The following AOX1 variants were observed in gnomAD, a reference collection of about 807,000 sequenced individuals.
The protein encoded by AOX1 is aldehyde oxidase 1, also known as aldehyde oxidase.
Under a neutral mutation model 169.5 loss-of-function variants are expected in AOX1, and 153 were observed. That is an observed-to-expected ratio of 0.90 (90% CI 0.79 to 1.03). The LOEUF is 1.03. Ranked by LOEUF, AOX1 falls within the 50% of genes least tolerant of loss-of-function variation. The pLI is 0.00. For missense variants in AOX1, 1,656 were observed against 1,663.9 expected (o/e 1.00, Z 0.08); for synonymous variants, 562 against 581.9 (o/e 0.97, Z 0.49).
intron 33 of AOX1, among the ~76,000 whole-genome samples, chr2:200,669,064 A>C (rs2035977308): frequency 6.6e-6 from 1 of 152,214 alleles, no homozygotes. Context: ...CCTAATAATC[A>C]TCTTCTGTAT....
chr2:200,678,069 T>C (rs929365628), downstream of AOX1, among the ~76,000 whole-genome samples: 2 of 152,190 alleles, frequency 1.3e-5, no homozygotes, highest in African/African-American at 4.8e-5. Context: ...TCCCAAAGTT[T>C]GGTTTTTTTC....
chr2:200,608,802 C>A (rs141046312), intron 10 of AOX1, among the ~76,000 whole-genome samples, 182 bp from the exon 11 acceptor site: 63 of 152,242 alleles, frequency 4.1e-4, no homozygotes, highest in Admixed American at 5.9e-4. Flanking sequence ...GCCTCACCAC[C>A]ACTTTCATTA....
chr2:200,657,126 C>T (rs1325381310), intron 27 of AOX1, among the ~76,000 whole-genome samples, 189 bp downstream of exon 27: 1 of 138,974 alleles, frequency 7.2e-6, no homozygotes, highest in East Asian at 2.2e-4. Flanking sequence ...GAGTTCGAGA[C>T]CAGCCCAGGG....
intron 31 of AOX1, among the ~76,000 whole-genome samples, chr2:200,665,673 C>T (rs1437523382): frequency 6.6e-6 from 1 of 152,216 alleles, no homozygotes. Context: ...CTCAAGTGAT[C>T]TGCCCCCCTC....
intron 7 of AOX1, among the ~76,000 whole-genome samples, chr2:200,603,705 A>G (rs1257467222): frequency 6.6e-6 from 1 of 152,226 alleles, no homozygotes; most frequent in East Asian, 1.9e-4. Flanking sequence ...AAGTAGAGAC[A>G]GGAGAGGTTC....
chr2:200,592,979 T>G (rs2034206373), intron 1 of AOX1, among the ~76,000 whole-genome samples, 167 bp from the exon 2 acceptor site: 1 of 152,138 alleles, frequency 6.6e-6, no homozygotes. Context: ...AGATTACACA[T>G]AAGAGTGGTG....
chr2:200,609,237 T>A, intron 11 of AOX1, 84 bp from the exon 12 acceptor site: 4 of 1,588,894 alleles, frequency 2.5e-6, no homozygotes, highest in Non-Finnish European at 3.4e-6. Context: ...AAAAAAATAG[T>A]TCTCCAAAGC....
rs10204846 is a variant in AOX1 at position 200,596,659 on chromosome 2, G to T, written c.201-738G>T. Among the ~76,000 whole-genome samples, 1,477 of 152,280 alleles carry T rather than the reference G, an allele frequency of 9.7e-3. 31 individuals carry two copies. The highest frequency in any genetic ancestry group is 0.033 in the African/African-American group (1,372 of 41,542). On this transcript the variant is annotated intron_variant, in intron 3 of 34. Coordinates refer to ENST00000374700, the MANE Select transcript of AOX1 (RefSeq NM_001159.4). ...TTCTCCTTATTCCTGTTTAAGGCAGGTTCCTTTTCCTCCTTCAATTTCAGG... is the reference window on the plus strand; with the variant it reads ...TTCTCCTTATTCCTGTTTAAGGCAGTTTCCTTTTCCTCCTTCAATTTCAGG...
At chr2:200,663,596 T>TCCCCC (rs1553579858) in intron 31 of AOX1, among the ~76,000 whole-genome samples, 1 of 147,928 alleles carries the variant, frequency 6.8e-6, no homozygotes, top group Non-Finnish European at 1.5e-5. Flanking sequence ...TCTCTCTCTC[T>TCCCCC]CCCCCTCTTT....
intron 9 of AOX1, 44 bp downstream of exon 9, chr2:200,604,884 A>AT: frequency 1.2e-6 from 1 of 852,752 alleles, no homozygotes; most frequent in Non-Finnish European, 1.8e-6. Flanking sequence ...ATTGAGAAAA[A>AT]GGGCTTGGGA....
downstream of AOX1, among the ~76,000 whole-genome samples, chr2:200,680,579 T>C (rs1341865787): frequency 7.2e-6 from 1 of 139,056 alleles, no homozygotes; most frequent in Non-Finnish European, 1.6e-5. Flanking sequence ...AGAATCTTGC[T>C]CTGTTGCCCA....
chr2:200,605,898 G>C (rs2034505518), intron 10 of AOX1, among the ~76,000 whole-genome samples: 1 of 152,140 alleles, frequency 6.6e-6, no homozygotes, highest in African/African-American at 2.4e-5. Flanking sequence ...CTTTGTCAGT[G>C]GGTAGATTGC....
At chr2:200,643,558 C>G (rs955402194) in intron 25 of AOX1, among the ~76,000 whole-genome samples, 8 of 152,092 alleles carry the variant, frequency 5.3e-5, no homozygotes, top group Non-Finnish European at 1.0e-4. Flanking sequence ...ACTTGTTTTC[C>G]TCTGGGTAGA....
chr2:200,588,020 G>A (rs910489904), intron 1 of AOX1, among the ~76,000 whole-genome samples: 2 of 152,176 alleles, frequency 1.3e-5, no homozygotes, highest in Non-Finnish European at 2.9e-5. Context: ...AGCTTACATT[G>A]TGCTGGGGAG....
At position 200,623,973 on chromosome 2, in the gene AOX1, T is replaced by C; in HGVS notation, c.2114T>C (p.Leu705Pro). The change falls in exon 19 of 35, where the codon CTA becomes CCA. Residue 705 changes from leucine to proline, a missense_variant. Coordinates refer to ENST00000374700, the MANE Select transcript of AOX1 (RefSeq NM_001159.4). ...IVYQDLEPLI[L>P]TIEESIQHNS... is the part of the protein sequence containing the mutation. ...TATCAAGACTTGGAGCCGCTGATACTAACAATTGAGGTAATGAGTTCTGTG... is the reference window on the plus strand; with the variant it reads ...TATCAAGACTTGGAGCCGCTGATACCAACAATTGAGGTAATGAGTTCTGTG... The C allele has an allele frequency of 1.2e-6, 2 of 1,614,118 alleles. No homozygotes were observed. Among genetic ancestry groups the C allele is most frequent in the East Asian group, 4.5e-5 (2 of 44,882 alleles).
At chr2:200,661,076 C>T (rs1034438588) in intron 29 of AOX1, among the ~76,000 whole-genome samples, 1 of 152,168 alleles carries the variant, frequency 6.6e-6, no homozygotes, top group Non-Finnish European at 1.5e-5. Context: ...TAGTAGTCAG[C>T]TCTGTGTACT....
chr2:200,681,679 G>A (rs1170786085), downstream of AOX1, among the ~76,000 whole-genome samples: 1 of 152,226 alleles, frequency 6.6e-6, no homozygotes, highest in Non-Finnish European at 1.5e-5. Context: ...AAGGGAAACT[G>A]AGGCAGTGAG....
In AOX1 at chr2:200,613,873, G is replaced by A. The variant is rs748850939; in HGVS notation, c.1518G>A (p.Ser506=). 8.1e-6 allele frequency: 13 copies of A among 1,612,670 alleles called. No homozygotes were observed. The highest frequency in any genetic ancestry group is 3.3e-5 in the South Asian group (3 of 91,014). Residue 506 remains serine (S), a synonymous_variant, in exon 15 of 35, where the codon TCG becomes TCA. Coordinates refer to ENST00000374700, the MANE Select transcript of AOX1 (RefSeq NM_001159.4). ...LILNEVSLLG[S]APGGKVEFKR... ...TGAATGAAGTCTCCCTTTTGGGCTCGGCGCCAGGTGGGAAAGTGGAGTTCA... is the reference window on the plus strand; with the variant it reads ...TGAATGAAGTCTCCCTTTTGGGCTCAGCGCCAGGTGGGAAAGTGGAGTTCA...
Position 200,601,173 on chromosome 2 carries a change from C to G in AOX1, c.437-1111C>G, listed in dbSNP as rs1044902534. ...GCTATTTGCAACAACGTAAATGAAC[C>G]TGGAGGACATTATGCTGAGTAAAAT... On this transcript the variant is annotated intron_variant, in intron 5 of 34. Coordinates refer to ENST00000374700, the MANE Select transcript of AOX1 (RefSeq NM_001159.4). Among the ~76,000 whole-genome samples, 4 of 148,906 alleles carry G rather than the reference C, an allele frequency of 2.7e-5. No individual in the cohort carries two copies. The East Asian group carries it at 6.0e-4, about 22-fold the overall frequency.
Sources: allele counts gnomAD v4.1 joint callset (sites outside exome capture counted in the v4.1 genomes callset), GRCh38; gene constraint gnomAD v4.1.1; transcripts MANE v1.5; gene names NCBI Gene and HGNC (gene_info 2026-07-23, HGNC 2026-07-21).